Variants in SKAP2 observed in about 807,000 individuals in gnomAD.
The protein encoded by SKAP2 is src kinase associated phosphoprotein 2, also known as src kinase-associated phosphoprotein 2.
Under a neutral mutation model 54.9 loss-of-function variants are expected in SKAP2, and 28 were observed. The observed-to-expected ratio is 0.51, with a 90% CI of 0.38 to 0.70. The LOEUF is 0.70. Among genes scored for constraint, SKAP2 ranks in the 30% least tolerant of loss-of-function variants. The pLI is 0.00. For synonymous variants in SKAP2, 137 were observed against 134.3 expected, an observed-to-expected ratio of 1.02 and a Z score of -0.14; for missense variants, 356 against 424.1, an observed-to-expected ratio of 0.84 and a Z score of 1.41.
At chr7:26,671,585 G>C (rs1235616266) in intron 11 of SKAP2, among the ~76,000 whole-genome samples, 1 of 152,024 alleles carries the variant, frequency 6.6e-6, no homozygotes, top group East Asian at 1.9e-4. Context: ...AGGTTTATTG[G>C]AAGAACAAAG....
Position 26,857,317 on chromosome 7 carries a change from A to AAAAAAAAAAAAAAAAAAAC in SKAP2, c.68-2446_68-2428dup, listed in dbSNP as rs1385294333. ...AGTAGAAACTGCTTTGCTTAAAAAA[A>AAAAAAAAAAAAAAAAAAAC]AAAAAAAAAAAAAAAAAACTTTAAA... On this transcript the variant is annotated intron_variant, in intron 1 of 12. Coordinates refer to ENST00000345317, the MANE Select transcript of SKAP2 (RefSeq NM_003930.5). 4 of 226,886 alleles carry AAAAAAAAAAAAAAAAAAAC rather than the reference A, an allele frequency of 1.8e-5. 1 individual carries two copies. Among genetic ancestry groups the AAAAAAAAAAAAAAAAAAAC allele is most frequent in the Non-Finnish European group, 2.9e-5 (4 of 139,196 alleles). The allele number at this position is 226,886 out of a possible 1,614,324, so 14.1% of individuals were successfully genotyped here.
rs1324750532 is a variant in SKAP2 at position 26,668,502 on chromosome 7, T to A, written c.*1164A>T. On this transcript the variant is annotated 3_prime_UTR_variant, in exon 13 of 13. Coordinates refer to ENST00000345317, the MANE Select transcript of SKAP2 (RefSeq NM_003930.5). The stretch of plus-strand genomic sequence containing the variant: ...CATGCTACCACTGGGATTTCTACAC[T>A]CTCCTCTGCAAACCCTTCCTTTCTT... 1 of 152,106 alleles carries A rather than the reference T, an allele frequency of 6.6e-6. No homozygotes were observed. The highest frequency in any genetic ancestry group is 2.4e-5 in the African/African-American group (1 of 41,408). 9.4% of individuals were successfully genotyped at this position (152,106 alleles called of 1,614,324 possible).
In SKAP2 at chr7:26,725,999, A is replaced by G; in HGVS notation, c.595-13T>C. The G allele has an allele frequency of 6.3e-7, 1 of 1,578,878 alleles. No homozygotes were observed. Among genetic ancestry groups the G allele is most frequent in the Non-Finnish European group, 8.7e-7 (1 of 1,150,746 alleles). On this transcript the variant is annotated splice_polypyrimidine_tract_variant and intron_variant, in intron 7 of 12. Coordinates refer to ENST00000345317, the MANE Select transcript of SKAP2 (RefSeq NM_003930.5). The stretch of plus-strand genomic sequence containing the variant: ...AAGCTGCTGTAAACTAATATAAAAC[A>G]AACAGTAAGAACGAAAATCACCATA...
intron 4 of SKAP2, among the ~76,000 whole-genome samples, chr7:26,804,208 C>G (rs556131884): frequency 2.0e-5 from 3 of 152,116 alleles, no homozygotes; most frequent in African/African-American, 7.2e-5. Flanking sequence ...ATGCCCGTAT[C>G]AAAATGTCTT....
At chr7:26,846,432 C>CAT (rs762276259) in intron 3 of SKAP2, among the ~76,000 whole-genome samples, 30 of 151,928 alleles carry the variant, frequency 2.0e-4, no homozygotes, top group African/African-American at 5.6e-4. Context: ...ATTATGTGTG[C>CAT]ATATATATAT....
intron 3 of SKAP2, among the ~76,000 whole-genome samples, chr7:26,848,374 T>C (rs1784970150): frequency 6.6e-6 from 1 of 152,228 alleles, no homozygotes; most frequent in Admixed American, 6.5e-5. Flanking sequence ...AGTGTCAGTA[T>C]GACAACACAA....
chr7:26,844,280 C>T (rs1784880017), intron 3 of SKAP2, 143 bp from the exon 4 acceptor site: 1 of 577,230 alleles, frequency 1.7e-6, no homozygotes, highest in East Asian at 2.9e-5. Flanking sequence ...ACAAAGAAAA[C>T]TTTTAAAACT....
At chr7:26,664,358 CTT>C (rs1423795920), downstream of SKAP2, among the ~76,000 whole-genome samples, 1 of 152,156 alleles carries the variant, frequency 6.6e-6, no homozygotes, top group East Asian at 1.9e-4. Flanking sequence ...ACTAGTCTGA[CTT>C]AAACTGTTAT....
the SKAP2 span, among the ~76,000 whole-genome samples, chr7:26,658,544 CCTCA>C: frequency 1.3e-5 from 2 of 151,760 alleles, no homozygotes; most frequent in East Asian, 1.9e-4. Context: ...TGAACAAATA[CCTCA>C]CTGTCATCTG....
chr7:26,706,211 G>A (rs184272759), intron 9 of SKAP2, among the ~76,000 whole-genome samples: 2 of 152,122 alleles, frequency 1.3e-5, no homozygotes, highest in East Asian at 1.9e-4. Context: ...GCTAACAAGT[G>A]TTTTTATTAG....
chr7:26,732,576 C>T (rs138794590), intron 6 of SKAP2, among the ~76,000 whole-genome samples: 84 of 152,228 alleles, frequency 5.5e-4, no homozygotes, highest in African/African-American at 2.0e-3. Context: ...TTTAAGAAGG[C>T]CTTTTCCCTT....
Position 26,690,361 on chromosome 7 carries a change from T to C in SKAP2, c.798A>G (p.Glu266=), listed in dbSNP as rs1786755859. 1 of 1,604,434 alleles carries C rather than the reference T, an allele frequency of 6.2e-7. No homozygotes were observed. The highest frequency in any genetic ancestry group is 8.5e-7 in the Non-Finnish European group (1 of 1,171,262). Residue 266 remains glutamate, a splice_region_variant and synonymous_variant, in exon 10 of 13, where the codon GAA becomes GAG. Coordinates refer to ENST00000345317, the MANE Select transcript of SKAP2 (RefSeq NM_003930.5). Reference sequence around the variant, plus strand: ...TCACTGGAGCACTGTCCTCTTCTTCTTCTGTAAATAAACATTATCAATGGC... The same window carrying C: ...TCACTGGAGCACTGTCCTCTTCTTCCTCTGTAAATAAACATTATCAATGGC... ...IDDEIYEELP[E]EEEDSAPVKV...
At chr7:26,771,442 T>C (rs1272830193) in intron 4 of SKAP2, among the ~76,000 whole-genome samples, 1 of 152,244 alleles carries the variant, frequency 6.6e-6, no homozygotes, top group African/African-American at 2.4e-5. Flanking sequence ...GTAACTGATA[T>C]TCACAAAGTT....
intron 4 of SKAP2, among the ~76,000 whole-genome samples, chr7:26,764,444 G>A (rs902079976): frequency 2.6e-5 from 4 of 151,930 alleles, no homozygotes; most frequent in Non-Finnish European, 5.9e-5. Flanking sequence ...GAGAGGCATA[G>A]ACTAGATAAT....
chr7:26,840,869 TTC>T (rs1326647135), intron 4 of SKAP2, among the ~76,000 whole-genome samples: 1 of 152,068 alleles, frequency 6.6e-6, no homozygotes, highest in Non-Finnish European at 1.5e-5. Context: ...TGGCATGTCA[TTC>T]TCTCTTTTTT....
chr7:26,673,703 C>T (rs984063461), intron 11 of SKAP2, among the ~76,000 whole-genome samples: 1 of 151,902 alleles, frequency 6.6e-6, no homozygotes, highest in Non-Finnish European at 1.5e-5. Flanking sequence ...AATAGTAAGG[C>T]GGTAGTGAAT....
At chr7:26,748,659 G>A (rs1476307970) in intron 4 of SKAP2, among the ~76,000 whole-genome samples, 1 of 151,924 alleles carries the variant, frequency 6.6e-6, no homozygotes, top group Non-Finnish European at 1.5e-5. Context: ...TACATACTTT[G>A]AGAAAATGAG....
intron 4 of SKAP2, among the ~76,000 whole-genome samples, chr7:26,804,927 C>T (rs771892480): frequency 2.6e-5 from 4 of 152,042 alleles, no homozygotes; most frequent in Non-Finnish European, 5.9e-5. Context: ...ATAAAAAATG[C>T]TTACTATCAT....
chr7:26,756,643 C>T (rs534278820), intron 4 of SKAP2, among the ~76,000 whole-genome samples: 120 of 152,216 alleles, frequency 7.9e-4, no homozygotes, highest in Non-Finnish European at 1.5e-3. Flanking sequence ...TAAACATACA[C>T]GTGCATGTGT....
Sources: allele counts gnomAD v4.1 joint callset (sites outside exome capture counted in the v4.1 genomes callset), GRCh38; gene constraint gnomAD v4.1.1; transcripts MANE v1.5; gene names NCBI Gene and HGNC (gene_info 2026-07-23, HGNC 2026-07-21).